Variants in ADAMTS5 observed in about 807,000 individuals in gnomAD.
The protein encoded by ADAMTS5 is ADAM metallopeptidase with thrombospondin type 1 motif 5.
In ADAMTS5, 54 loss-of-function variants were observed where a neutral mutation model predicts 81.4. The ratio of observed to expected loss-of-function variants is 0.66; its 90% confidence interval spans 0.53 to 0.83. The LOEUF is 0.83. ADAMTS5 is among the 40% of genes least tolerant of loss of function. The probability of loss-of-function intolerance (pLI) is 0.00; values close to 1 mark genes in which losing one functional copy is unlikely to be tolerated. For missense variants in ADAMTS5, 1,194 were observed against 1,229.9 expected (o/e 0.97, Z 0.44); for synonymous variants, 532 against 508.8 (o/e 1.05, Z -0.61).
In ADAMTS5 at chr21:26,919,712, A is replaced by G. The variant is rs932114104; in HGVS notation, c.*4341T>C. ...CATTATAGAGTTTATATGCATCATG[A>G]TGATATAATTTGAGAAATTATCTCT... On this transcript the variant is annotated 3_prime_UTR_variant, in exon 8 of 8. Coordinates refer to ENST00000284987, the MANE Select transcript of ADAMTS5 (RefSeq NM_007038.5). The G allele has an allele frequency of 3.3e-5, 5 of 152,120 alleles. No individual in the cohort carries two copies. The highest frequency in any genetic ancestry group is 7.4e-5 in the Non-Finnish European group (5 of 67,990). The allele number at this position is 152,120 out of a possible 1,614,324, so 9.4% of individuals were successfully genotyped here.
chr21:26,965,704 C>T lies in ADAMTS5; in HGVS notation c.688G>A (p.Gly230Arg), dbSNP rs1192066813. The T allele has an allele frequency of 1.9e-6, 3 of 1,582,490 alleles. No individual in the cohort carries two copies. The highest frequency in any genetic ancestry group is 2.6e-6 in the Non-Finnish European group (3 of 1,166,432). Residue 230 changes from glycine to arginine, a missense_variant, in exon 1 of 8, where the codon GGA (glycine) becomes AGA (arginine). Physicochemically the swap from Gly to Arg is moderately radical, Grantham distance 125 (BLOSUM62 -2). Transcript: ENST00000284987. Reference protein sequence around the residue: ...EHAPAHSNPSGRAALASQLLD... With the variant: ...EHAPAHSNPSRRAALASQLLD... ...AGCTGCGAGGCCAGTGCTGCGCGTC[C>T]GCTCGGGTTGCTGTGCGCCGGAGCA...
intron 6 of ADAMTS5, among the ~76,000 whole-genome samples, chr21:26,930,608 A>G (rs1358246947): frequency 6.6e-6 from 1 of 152,212 alleles, no homozygotes; most frequent in Non-Finnish European, 1.5e-5. Context: ...AGTCTGGGGA[A>G]GTTAGATGAA....
rs1260977815 is a variant in ADAMTS5 at position 26,943,498 on chromosome 21, G to T, written c.1287C>A (p.Thr429=). 2.5e-6 allele frequency: 4 copies of T among 1,613,642 alleles called. No homozygotes were observed. The highest frequency in any genetic ancestry group is 2.7e-5 in the African/African-American group (2 of 75,006). ...SHDDSKFCEE[T]FGSTEDKRLM... ...AGCGCTTATCTTCTGTGGAACCAAA[G>T]GTCTCTTCACAGAATTTGGAATCGT... Residue 429 remains threonine (T), a synonymous_variant, in exon 3 of 8, where the codon ACC becomes ACA. Transcript: ENST00000284987.
In ADAMTS5 at chr21:26,922,429, C is replaced by G. The variant is rs1023996757; in HGVS notation, c.*1624G>C. ...CTTGTAGAACTCAAACAGTGGTTCCCTAAGATCTTCACATGCAAATCTTTA... is the reference window on the plus strand; with the variant it reads ...CTTGTAGAACTCAAACAGTGGTTCCGTAAGATCTTCACATGCAAATCTTTA... On this transcript the variant is annotated 3_prime_UTR_variant, in exon 8 of 8. Coordinates refer to ENST00000284987, the MANE Select transcript of ADAMTS5 (RefSeq NM_007038.5). 1 of 151,922 alleles carries G rather than the reference C, an allele frequency of 6.6e-6. No homozygotes were observed. Among genetic ancestry groups the G allele is most frequent in the Non-Finnish European group, 1.5e-5 (1 of 67,914 alleles). 9.4% of individuals were successfully genotyped at this position (151,922 alleles called of 1,614,324 possible). A position where few individuals can be genotyped will look rare whatever the true frequency, so the allele number is the denominator to read the frequency against.
At chr21:26,944,988 A>G (rs960168038) in intron 2 of ADAMTS5, among the ~76,000 whole-genome samples, 4 of 152,186 alleles carry the variant, frequency 2.6e-5, no homozygotes, top group African/African-American at 9.7e-5. Flanking sequence ...TTCTCTGGGA[A>G]GTTCTCCCAC....
At chr21:26,960,345 T>G (rs1987505778) in intron 1 of ADAMTS5, among the ~76,000 whole-genome samples, 1 of 152,198 alleles carries the variant, frequency 6.6e-6, no homozygotes. Context: ...ATGATTGCCA[T>G]TGCACTTAAT....
At chr21:26,931,845 T>C (rs1374688865) in intron 6 of ADAMTS5, among the ~76,000 whole-genome samples, 159 bp downstream of exon 6, 2 of 152,206 alleles carry the variant, frequency 1.3e-5, no homozygotes, top group African/African-American at 4.8e-5. Context: ...TTGTGTAAAG[T>C]TTGAAAATAT....
intron 1 of ADAMTS5, among the ~76,000 whole-genome samples, chr21:26,960,207 C>T (rs1048090800): frequency 6.6e-6 from 1 of 152,174 alleles, no homozygotes; most frequent in African/African-American, 2.4e-5. Flanking sequence ...TTTAGACCAC[C>T]TTGAGCCTCC....
At chr21:26,947,978 A>G (rs1040004452) in intron 2 of ADAMTS5, among the ~76,000 whole-genome samples, 1 of 152,222 alleles carries the variant, frequency 6.6e-6, no homozygotes, top group African/African-American at 2.4e-5. Flanking sequence ...CAGAAATAGC[A>G]AACAAATCGT....
In ADAMTS5 at chr21:26,965,543, A is replaced by G; in HGVS notation, c.849T>C (p.Tyr283=). ...LVADASMARL[Y]GRGLQHYLLT... ...GCAGGTAATGCTGCAGGCCCCGGCC[A>G]TACAACCGCGCCATGGACGCGTCAG... is the stretch of plus-strand genomic sequence containing the variant. The change falls in exon 1 of 8, where the codon TAT becomes TAC. Residue 283 remains tyrosine, a synonymous_variant. Transcript: ENST00000284987. The G allele has an allele frequency of 6.2e-7, 1 of 1,612,886 alleles. No individual in the cohort carries two copies.
intron 1 of ADAMTS5, among the ~76,000 whole-genome samples, chr21:26,962,529 A>G (rs965703245): frequency 2.0e-5 from 3 of 152,218 alleles, no homozygotes; most frequent in South Asian, 2.1e-4. Context: ...TCCAGATGCA[A>G]CTTTCAAGGT....
At chr21:26,931,202 A>G (rs565903817) in intron 6 of ADAMTS5, among the ~76,000 whole-genome samples, 3 of 152,060 alleles carry the variant, frequency 2.0e-5, no homozygotes, top group South Asian at 4.2e-4. Flanking sequence ...GTGTGCCACC[A>G]CGCCCAGCTA....
intron 7 of ADAMTS5, among the ~76,000 whole-genome samples, chr21:26,927,073 A>G (rs1310067328): frequency 6.6e-6 from 1 of 152,184 alleles, no homozygotes; most frequent in Non-Finnish European, 1.5e-5. Flanking sequence ...GGTATCATTT[A>G]AACTCCAGAC....
rs560464326 is a variant in ADAMTS5 at position 26,925,797 on chromosome 21, G to A, written c.2226-1177C>T. On this transcript the variant is annotated intron_variant, in intron 7 of 7. Transcript: ENST00000284987. Reference sequence around the variant, plus strand: ...GGAAAGGAAGCTTATCGCCAAGGAAGTCCCCTGTCTGCAGGGCAATCTGTT... The same window carrying A: ...GGAAAGGAAGCTTATCGCCAAGGAAATCCCCTGTCTGCAGGGCAATCTGTT... Among the ~76,000 whole-genome samples the A allele has an allele frequency of 9.8e-5, 15 of 152,316 alleles. 1 individual carries two copies. In the South Asian group the frequency reaches 2.7e-3, roughly 27 times the overall value.
rs1238708489 is a variant in ADAMTS5 at position 26,933,887 on chromosome 21, A to G, written c.1689+579T>C. Reference sequence around the variant, plus strand: ...GACTTTGCAAATCTTGTGGGTTGAGAGCGAGCACTTATTTTACTTAGGCCT... The same window carrying G: ...GACTTTGCAAATCTTGTGGGTTGAGGGCGAGCACTTATTTTACTTAGGCCT... On this transcript the variant is annotated intron_variant, in intron 4 of 7. Transcript: ENST00000284987. Among the ~76,000 whole-genome samples the G allele has an allele frequency of 3.3e-5, 5 of 152,142 alleles. No individual in the cohort carries two copies. The East Asian group carries it at 9.7e-4, about 29-fold the overall frequency.
In ADAMTS5 at chr21:26,965,709, G is replaced by C. The variant is rs1346491635; in HGVS notation, c.683C>G (p.Pro228Arg). ...AHEHAPAHSN[P>R]SGRAALASQL... ...CGAGGCCAGTGCTGCGCGTCCGCTC[G>C]GGTTGCTGTGCGCCGGAGCATGCTC... The change falls in exon 1 of 8, where the codon CCG becomes CGG. Residue 228 changes from proline to arginine, a missense_variant. Around this residue, in one of 2 missense-constraint regions of ADAMTS5, gnomAD observed 498 missense variants for 412.3 expected, o/e 1.21. Coordinates refer to ENST00000284987, the MANE Select transcript of ADAMTS5 (RefSeq NM_007038.5). 3.8e-6 allele frequency: 6 copies of C among 1,584,456 alleles called. No individual in the cohort carries two copies. In the Middle Eastern group the frequency reaches 6.6e-4, roughly 176 times the overall value.
At chr21:26,940,510 CT>C (rs1987093787) in intron 3 of ADAMTS5, among the ~76,000 whole-genome samples, 1 of 152,086 alleles carries the variant, frequency 6.6e-6, no homozygotes, top group Admixed American at 6.6e-5. Context: ...TAGCCTTTCT[CT>C]TATTGTTAAA....
chr21:26,922,756 C>T lies in ADAMTS5; in HGVS notation c.*1297G>A, dbSNP rs544137512. On this transcript the variant is annotated 3_prime_UTR_variant, in exon 8 of 8. Coordinates refer to ENST00000284987, the MANE Select transcript of ADAMTS5 (RefSeq NM_007038.5). ...TCACTCAAACACTTACGGGTACAAT[C>T]AAGTGCTTTCCAGTTGGGAAAAATA... 6.6e-6 allele frequency: 1 copy of T among 152,588 alleles called. No homozygotes were observed. Among genetic ancestry groups the T allele is most frequent in the South Asian group, 2.1e-4 (1 of 4,828 alleles). 9.5% of individuals were successfully genotyped at this position (152,588 alleles called of 1,614,324 possible). A position where few individuals can be genotyped will look rare whatever the true frequency, so the allele number is the denominator to read the frequency against.
At chr21:26,929,359 G>A (rs979154081) in intron 7 of ADAMTS5, among the ~76,000 whole-genome samples, 3 of 152,258 alleles carry the variant, frequency 2.0e-5, no homozygotes, top group South Asian at 4.2e-4. Context: ...GACCATAAGA[G>A]GAAGCAGGAG....
Sources: allele counts gnomAD v4.1 joint callset (sites outside exome capture counted in the v4.1 genomes callset), GRCh38; gene constraint gnomAD v4.1.1; regional missense constraint gnomAD v4.1.1; transcripts MANE v1.5; gene names NCBI Gene and HGNC (gene_info 2026-07-23, HGNC 2026-07-21).